RNGTT: variants seen among roughly 807,000 people sequenced by gnomAD.
RNGTT encodes the protein RNA guanylyltransferase and 5'-phosphatase, also known as mRNA-capping enzyme.
RNGTT carries 33 observed loss-of-function variants against 79.3 expected under a neutral mutation model. That is an observed-to-expected ratio of 0.42 (90% CI 0.32 to 0.56). The LOEUF (loss-of-function observed/expected upper bound fraction) is 0.56, where lower values mean the gene tolerates loss of function less well. Ranked by LOEUF, RNGTT falls within the 20% of genes least tolerant of loss-of-function variation. RNGTT has a pLI of 0.17. For missense variants in RNGTT, 497 were observed against 739.1 expected (o/e 0.67, Z 3.80); for synonymous variants, 222 against 235.9 (o/e 0.94, Z 0.54).
chr6:88,901,847 A>G (rs1395088487), intron 6 of RNGTT, among the ~76,000 whole-genome samples: 4 of 152,174 alleles, frequency 2.6e-5, no homozygotes, highest in Non-Finnish European at 5.9e-5. Flanking sequence ...AATGATGTCG[A>G]AAAAGACAAT....
intron 8 of RNGTT, among the ~76,000 whole-genome samples, chr6:88,887,590 A>G (rs1440708952): frequency 6.6e-6 from 1 of 152,228 alleles, no homozygotes. Flanking sequence ...GAGAAATTAG[A>G]TATTTCCATT....
chr6:88,761,882 A>G (rs1001440776), intron 13 of RNGTT, among the ~76,000 whole-genome samples: 2 of 152,184 alleles, frequency 1.3e-5, no homozygotes, highest in African/African-American at 4.8e-5. Context: ...TTGTTCTGGT[A>G]ATCCCCGATG....
chr6:88,906,400 G>C lies in RNGTT; in HGVS notation c.408C>G (p.Leu136=). Residue 136 remains leucine (L), a synonymous_variant, in exon 5 of 16, where the codon CTC becomes CTG. Coordinates refer to ENST00000369485, the MANE Select transcript of RNGTT (RefSeq NM_003800.5). ...CTHGFNRTGF[L]ICAFLVEKMD... is the part of the protein sequence containing the mutation. ...TTTTCTCCACCAAAAAGGCACATAT[G>C]AGGAAACCAGTGCGATTGAAGCCAT... 1 of 1,604,050 alleles carries C rather than the reference G, an allele frequency of 6.2e-7. No individual in the cohort carries two copies. Among genetic ancestry groups the C allele is most frequent in the Non-Finnish European group, 8.5e-7 (1 of 1,176,608 alleles).
intron 13 of RNGTT, among the ~76,000 whole-genome samples, chr6:88,704,109 A>C (rs1776038412): frequency 1.3e-5 from 2 of 151,738 alleles, no homozygotes; most frequent in Non-Finnish European, 2.9e-5. Context: ...AATACAAAAA[A>C]ATTAGCCAGG....
chr6:88,785,892 A>G (rs1302939802), intron 12 of RNGTT, among the ~76,000 whole-genome samples: 1 of 152,178 alleles, frequency 6.6e-6, no homozygotes, highest in African/African-American at 2.4e-5. Context: ...CTAAATTTCT[A>G]TGCAAACTGA....
At chr6:88,622,566 C>T (rs1385629220) in intron 14 of RNGTT, among the ~76,000 whole-genome samples, 1 of 152,080 alleles carries the variant, frequency 6.6e-6, no homozygotes, top group African/African-American at 2.4e-5. Context: ...TCTAGGCTTC[C>T]AGGAAACAAA....
chr6:88,783,661 T>G (rs1225721438), intron 12 of RNGTT, among the ~76,000 whole-genome samples: 1 of 152,020 alleles, frequency 6.6e-6, no homozygotes, highest in Admixed American at 6.6e-5. Flanking sequence ...TCTAAGACAA[T>G]ATGGAGAAAG....
chr6:88,649,365 A>C (rs957621547), intron 14 of RNGTT, among the ~76,000 whole-genome samples: 9 of 152,218 alleles, frequency 5.9e-5, no homozygotes, highest in African/African-American at 2.2e-4. Context: ...GCAACAGTTC[A>C]TTTTAATGTA....
Position 88,613,678 on chromosome 6 carries a change from ATC to A in RNGTT, c.1630+592_1630+593del, listed in dbSNP as rs1456972737. Among the ~76,000 whole-genome samples, 6 of 152,256 alleles carry A rather than the reference ATC, an allele frequency of 3.9e-5. No homozygotes were observed. In the East Asian group the frequency reaches 1.2e-3, roughly 29 times the overall value. Reference sequence around the variant, plus strand: ...TTTTTTCAACTCCACTAAAAATGCAATCCAGAACAACAACTGCTACTGGTAGT... The same window carrying A: ...TTTTTTCAACTCCACTAAAAATGCAACAGAACAACAACTGCTACTGGTAGT... On this transcript the variant is annotated intron_variant, in intron 15 of 15. Transcript: ENST00000369485.
intron 11 of RNGTT, among the ~76,000 whole-genome samples, chr6:88,840,570 A>G (rs1781249875): frequency 6.6e-6 from 1 of 152,010 alleles, no homozygotes. Context: ...CTAATTTTCT[A>G]GTATTTTTTG....
intron 11 of RNGTT, among the ~76,000 whole-genome samples, chr6:88,836,931 TTTTA>T (rs1265370100): frequency 2.0e-4 from 31 of 152,264 alleles, no homozygotes; most frequent in African/African-American, 7.5e-4. Flanking sequence ...ACTTCAGGTA[TTTTA>T]ATAAATGGAT....
chr6:88,649,420 C>T (rs927755180), intron 14 of RNGTT, among the ~76,000 whole-genome samples: 3 of 152,250 alleles, frequency 2.0e-5, no homozygotes, highest in African/African-American at 2.4e-5. Context: ...AGGTTCTAGC[C>T]GGGCGCGGTG....
At chr6:88,647,107 T>C (rs1267953616) in intron 14 of RNGTT, among the ~76,000 whole-genome samples, 2 of 152,150 alleles carry the variant, frequency 1.3e-5, no homozygotes, top group African/African-American at 4.8e-5. Context: ...ACCATCAGTA[T>C]TATATATTGA....
chr6:88,872,625 G>A (rs1220407020), intron 8 of RNGTT, among the ~76,000 whole-genome samples: 1 of 152,108 alleles, frequency 6.6e-6, no homozygotes, highest in African/African-American at 2.4e-5. Flanking sequence ...AAGAAACGAT[G>A]AGACAGTAAA....
intron 11 of RNGTT, among the ~76,000 whole-genome samples, chr6:88,808,045 A>G (rs538925673): frequency 6.6e-6 from 1 of 152,332 alleles, no homozygotes; most frequent in South Asian, 2.1e-4. Flanking sequence ...CTAGAATATA[A>G]GAAATTTTAA....
At chr6:88,680,065 G>A (rs1775033023) in intron 13 of RNGTT, among the ~76,000 whole-genome samples, 2 of 152,166 alleles carry the variant, frequency 1.3e-5, no homozygotes, top group East Asian at 1.9e-4. Context: ...GGTATCTAGA[G>A]TCAAAACAAA....
rs746472579 is a variant in RNGTT, at chr6:88,647,701, T to TAAAAAAAAAAAAAAAAAAAAAAAAA, written c.1506+30651_1506+30652insTTTTTTTTTTTTTTTTTTTTTTTTT. On this transcript the variant is annotated intron_variant, in intron 14 of 15. Transcript: ENST00000369485. ...CTGGGTGACAGAACCGACACCCTGTTAAAAAAAAAAAAAAAAGAAGAAGAA... is the reference window on the plus strand; with the variant it reads ...CTGGGTGACAGAACCGACACCCTGTTAAAAAAAAAAAAAAAAAAAAAAAAAAAAAAAAAAAAAAAAAGAAGAAGAA... Among the ~76,000 whole-genome samples, 134 of 100,776 alleles carry TAAAAAAAAAAAAAAAAAAAAAAAAA rather than the reference T, an allele frequency of 1.3e-3. 3 individuals carry two copies. Among genetic ancestry groups the TAAAAAAAAAAAAAAAAAAAAAAAAA allele is most frequent in the Middle Eastern group, 4.8e-3 (1 of 208 alleles). The allele number at this position is 100,776 out of a possible 152,430, so 66.1% of individuals were successfully genotyped here.
At chr6:88,835,883 C>G (rs1237654872) in intron 11 of RNGTT, among the ~76,000 whole-genome samples, 1 of 151,346 alleles carries the variant, frequency 6.6e-6, no homozygotes, top group Non-Finnish European at 1.5e-5. Context: ...GCCTGCAGCT[C>G]AGCTACTTGG....
intron 13 of RNGTT, among the ~76,000 whole-genome samples, chr6:88,688,264 A>G (rs956963959): frequency 1.3e-5 from 2 of 152,212 alleles, no homozygotes; most frequent in African/African-American, 4.8e-5. Flanking sequence ...TACAAATAAG[A>G]AAAGGAGAAA....
Sources: allele counts gnomAD v4.1 joint callset (sites outside exome capture counted in the v4.1 genomes callset), GRCh38; gene constraint gnomAD v4.1.1; transcripts MANE v1.5; gene names NCBI Gene and HGNC (gene_info 2026-07-23, HGNC 2026-07-21).